Variants in RFX3 observed in about 807,000 individuals in gnomAD.
RFX3 encodes the protein transcription factor RFX3.
RFX3 carries 14 observed loss-of-function variants against 98.6 expected under a neutral mutation model. That is an observed-to-expected ratio of 0.14 (90% CI 0.09 to 0.22). RFX3 has a LOEUF of 0.22. Ranked by LOEUF, RFX3 falls within the 10% of genes least tolerant of loss-of-function variation. The pLI, the probability that RFX3 is intolerant of heterozygous loss-of-function variation, is 1.00. For missense variants in RFX3, 639 were observed against 926.9 expected (o/e 0.69, Z 4.03); for synonymous variants, 383 against 328.4 (o/e 1.17, Z -1.80).
intron 13 of RFX3, among the ~76,000 whole-genome samples, chr9:3,262,682 TCTA>T (rs1823074444): frequency 6.6e-6 from 1 of 152,198 alleles, no homozygotes; most frequent in Non-Finnish European, 1.5e-5. Context: ...CCTTTATTAC[TCTA>T]CTAACTATTC....
chr9:3,368,993 G>A (rs1169088946), intron 2 of RFX3, among the ~76,000 whole-genome samples: 1 of 152,116 alleles, frequency 6.6e-6, no homozygotes, highest in Non-Finnish European at 1.5e-5. Context: ...AGTACAGAGG[G>A]AATCCTTAAT....
chr9:3,501,027 T>C (rs774558208), intron 1 of RFX3, among the ~76,000 whole-genome samples: 2 of 152,190 alleles, frequency 1.3e-5, no homozygotes, highest in East Asian at 3.8e-4. Flanking sequence ...TGGTATTCAT[T>C]GGGTCCTTGT....
chr9:3,474,224 A>C (rs1849025053), intron 1 of RFX3, among the ~76,000 whole-genome samples: 1 of 152,240 alleles, frequency 6.6e-6, no homozygotes, highest in Non-Finnish European at 1.5e-5. Context: ...GCAAGCCTAT[A>C]TTGAAAAAAA....
chr9:3,240,666 A>G (rs1819790237), intron 15 of RFX3, among the ~76,000 whole-genome samples: 1 of 152,216 alleles, frequency 6.6e-6, no homozygotes, highest in Non-Finnish European at 1.5e-5. Flanking sequence ...ATTTTATACA[A>G]GGATGGTATA....
intron 15 of RFX3, among the ~76,000 whole-genome samples, chr9:3,235,647 G>A (rs1049563944): frequency 6.6e-6 from 1 of 152,144 alleles, no homozygotes; most frequent in Non-Finnish European, 1.5e-5. Context: ...TCTAGAGGTT[G>A]TCACCATTCC....
At chr9:3,458,828 T>C (rs1032611616) in intron 1 of RFX3, among the ~76,000 whole-genome samples, 1 of 152,104 alleles carries the variant, frequency 6.6e-6, no homozygotes, top group Non-Finnish European at 1.5e-5. Flanking sequence ...AAGATGGATA[T>C]AGAAACTTTG....
intron 13 of RFX3, among the ~76,000 whole-genome samples, chr9:3,261,255 A>G (rs1215037054): frequency 6.6e-6 from 1 of 151,962 alleles, no homozygotes; most frequent in African/African-American, 2.4e-5. Context: ...GACCTTTTTA[A>G]TTTTCCTAAA....
chr9:3,413,121 A>T (rs1416609406), intron 1 of RFX3, among the ~76,000 whole-genome samples: 2 of 149,910 alleles, frequency 1.3e-5, no homozygotes, highest in Non-Finnish European at 2.9e-5. Context: ...TTATAGCAAG[A>T]TCGATTTTTT....
At chr9:3,354,981 G>A (rs1424775637) in intron 2 of RFX3, among the ~76,000 whole-genome samples, 1 of 151,828 alleles carries the variant, frequency 6.6e-6, no homozygotes, top group Non-Finnish European at 1.5e-5. Context: ...AAGGACAGAA[G>A]AGGGAATTGA....
chr9:3,299,358 T>C (rs896337284), intron 5 of RFX3, among the ~76,000 whole-genome samples: 2 of 151,766 alleles, frequency 1.3e-5, no homozygotes, highest in Non-Finnish European at 3.0e-5. Context: ...ACAGGATCTT[T>C]TTCTGTGTTT....
intron 7 of RFX3, 101 bp from the exon 8 acceptor site, chr9:3,277,562 T>C: frequency 1.0e-6 from 1 of 982,718 alleles, no homozygotes. Context: ...CTATCTTCTT[T>C]AACGTCTCAT....
intron 10 of RFX3, 76 bp from the exon 11 acceptor site, chr9:3,270,601 A>G: frequency 1.4e-6 from 2 of 1,414,960 alleles, no homozygotes; most frequent in Non-Finnish European, 1.9e-6. Context: ...AAAATAGTTT[A>G]AGTTTACCAA....
chr9:3,313,141 A>G (rs1038018866), intron 4 of RFX3, among the ~76,000 whole-genome samples: 1 of 152,114 alleles, frequency 6.6e-6, no homozygotes, highest in Non-Finnish European at 1.5e-5. Flanking sequence ...CACCTCATAC[A>G]GCCAGGTGCT....
At chr9:3,233,376 T>C (rs764565858) in intron 15 of RFX3, among the ~76,000 whole-genome samples, 2 of 152,174 alleles carry the variant, frequency 1.3e-5, no homozygotes, top group Non-Finnish European at 2.9e-5. Context: ...CGTGGGAGAA[T>C]GCAGCCCACA....
intron 5 of RFX3, among the ~76,000 whole-genome samples, chr9:3,300,367 CATG>C (rs1293777222): frequency 6.6e-6 from 1 of 151,494 alleles, no homozygotes; most frequent in Non-Finnish European, 1.5e-5. Flanking sequence ...TTTTGTTTTC[CATG>C]ATACTTTCCT....
intron 1 of RFX3, among the ~76,000 whole-genome samples, chr9:3,433,380 T>C (rs1006308918): frequency 3.3e-5 from 5 of 152,206 alleles, no homozygotes; most frequent in African/African-American, 1.2e-4. Flanking sequence ...ATTGAATGAA[T>C]AGTAAATATA....
At chr9:3,333,435 G>GTTT (rs774597966) in intron 3 of RFX3, among the ~76,000 whole-genome samples, 3 of 109,436 alleles carry the variant, frequency 2.7e-5, no homozygotes, top group African/African-American at 3.3e-5. Context: ...CATAGAAAAT[G>GTTT]TTTTTTTTTT....
intron 9 of RFX3, among the ~76,000 whole-genome samples, chr9:3,275,146 T>C (rs943381718): frequency 6.6e-6 from 1 of 151,782 alleles, no homozygotes; most frequent in African/African-American, 2.4e-5. Flanking sequence ...TTATAACCAA[T>C]CTTTTGCATT....
chr9:3,421,439 A>G lies in RFX3; in HGVS notation c.-8-25843T>C, dbSNP rs144920753. Among the ~76,000 whole-genome samples the G allele has an allele frequency of 5.9e-5, 9 of 152,352 alleles. No homozygotes were observed. In the East Asian group the frequency reaches 1.7e-3, roughly 29 times the overall value. On this transcript the variant is annotated intron_variant, in intron 1 of 16. Coordinates refer to ENST00000617270, the MANE Select transcript of RFX3 (RefSeq NM_001282116.2). ...AAAAAAGGAACATTTAAATTACCAA[A>G]CATCCAACTCCATAGAAATAACCCT...
Sources: gnomAD v4.1 joint callset for allele counts (sites outside exome capture counted in the v4.1 genomes callset) on GRCh38, gnomAD v4.1.1 for gene constraint, MANE v1.5 for transcripts, NCBI Gene and HGNC (gene_info 2026-07-23, HGNC 2026-07-21) for gene names.